PRKG2: variants seen among roughly 807,000 people sequenced by gnomAD.
PRKG2 encodes the protein cGMP-dependent protein kinase 2.
In PRKG2, 33 loss-of-function variants were observed where a neutral mutation model predicts 97.2. The ratio of observed to expected loss-of-function variants is 0.34; its 90% CI spans 0.26 to 0.45. The LOEUF is 0.45. Among genes scored for constraint, PRKG2 ranks in the 20% least tolerant of loss-of-function variants. The probability of loss-of-function intolerance (pLI) is 1.00; values close to 1 mark genes in which losing one functional copy is unlikely to be tolerated. For missense variants in PRKG2, 638 were observed against 900.0 expected, an observed-to-expected ratio of 0.71 and a Z score of 3.73; for synonymous variants, 330 against 321.8, an observed-to-expected ratio of 1.03 and a Z score of -0.27.
chr4:81,168,252 T>C (rs993758319), intron 5 of PRKG2, among the ~76,000 whole-genome samples: 5 of 151,996 alleles, frequency 3.3e-5, no homozygotes, highest in Non-Finnish European at 7.4e-5. Context: ...AAAAGAGATA[T>C]AAGAAAAAAT....
intron 3 of PRKG2, among the ~76,000 whole-genome samples, chr4:81,172,842 G>A (rs1489770148): frequency 6.6e-6 from 1 of 152,058 alleles, no homozygotes; most frequent in Non-Finnish European, 1.5e-5. Context: ...GCTGGGAACT[G>A]TTCCAAGTGC....
At position 81,137,423 on chromosome 4, in the gene PRKG2, C is replaced by G; in HGVS notation, c.1604G>C (p.Gly535Ala). The G allele has an allele frequency of 1.2e-6, 2 of 1,612,646 alleles. No homozygotes were observed. The highest frequency in any genetic ancestry group is 1.7e-6 in the Non-Finnish European group (2 of 1,178,752). ...CCTTAATATACTCCAGAGCTCCCCA[C>G]CTAAGCAGGCCTCCAGAAGCATGTA... is the stretch of plus-strand genomic sequence containing the variant. ...YVYMLLEACL[G>A]GELWSILRDR... The change falls in exon 13 of 19, where the codon GGT (glycine) becomes GCT (alanine). Residue 535 changes from glycine to alanine, a missense_variant. Physicochemically the swap from Gly to Ala is moderately conservative, Grantham distance 60 (BLOSUM62 0). Around this residue, in one of 3 missense-constraint regions of PRKG2, gnomAD observed 304 missense variants for 460.5 expected, o/e 0.66. Coordinates refer to ENST00000264399, the MANE Select transcript of PRKG2 (RefSeq NM_006259.3).
intron 1 of PRKG2, among the ~76,000 whole-genome samples, chr4:81,207,161 C>A (rs1357372827): frequency 6.6e-6 from 1 of 152,108 alleles, no homozygotes; most frequent in Non-Finnish European, 1.5e-5. Context: ...ATATTGAAAT[C>A]TGAGAATAAA....
At position 81,143,691 on chromosome 4, in the gene PRKG2, T is replaced by C. The variant is rs116069193; in HGVS notation, c.1253+541A>G. 9.9e-3 allele frequency among the ~76,000 whole-genome samples: 1,507 copies of C among 152,304 alleles called. 26 individuals are homozygous for C. The highest frequency in any genetic ancestry group is 0.034 in the African/African-American group (1,412 of 41,550). ...ACTATATGGCTTTGATAGCACTATC[T>C]AGTGAACATGTGCTTAAGCATTCAC... On this transcript the variant is annotated intron_variant, in intron 10 of 18. Coordinates refer to ENST00000264399, the MANE Select transcript of PRKG2 (RefSeq NM_006259.3).
At chr4:81,182,776 A>T (rs12331759) in intron 2 of PRKG2, among the ~76,000 whole-genome samples, 35,762 of 151,980 alleles carry the variant, frequency 0.24, 8,111 homozygotes, top group African/African-American at 0.58. Flanking sequence ...ACATTAAAAA[A>T]TTTTAAATAA....
At chr4:81,184,886 A>G (rs1414044784) in intron 2 of PRKG2, among the ~76,000 whole-genome samples, 1 of 152,236 alleles carries the variant, frequency 6.6e-6, no homozygotes, top group Non-Finnish European at 1.5e-5. Context: ...GAAAGAAAGG[A>G]TATCAGAGAT....
At chr4:81,098,478 C>T (rs1019361651) in intron 17 of PRKG2, among the ~76,000 whole-genome samples, 1 of 152,142 alleles carries the variant, frequency 6.6e-6, no homozygotes, top group African/African-American at 2.4e-5. Flanking sequence ...GGAGGCCTAG[C>T]TTTCAGTCTA....
At chr4:81,101,431 C>A (rs1419301324) in intron 17 of PRKG2, among the ~76,000 whole-genome samples, 1 of 151,988 alleles carries the variant, frequency 6.6e-6, no homozygotes, top group East Asian at 1.9e-4. Context: ...GTGGATGAAG[C>A]TGGAAACCAT....
chr4:81,125,714 A>C (rs1270774713), intron 14 of PRKG2, among the ~76,000 whole-genome samples: 2 of 152,152 alleles, frequency 1.3e-5, no homozygotes, highest in Non-Finnish European at 2.9e-5. Context: ...TGGTTTACAA[A>C]TTTCTTTTTC....
At chr4:81,190,465 A>T (rs1309438701) in intron 2 of PRKG2, among the ~76,000 whole-genome samples, 1 of 152,198 alleles carries the variant, frequency 6.6e-6, no homozygotes, top group Non-Finnish European at 1.5e-5. Context: ...AGACTTAAAT[A>T]TAAGACCTAA....
chr4:81,118,962 TTTTTTTGTG>T (rs935861480), intron 14 of PRKG2, among the ~76,000 whole-genome samples: 3 of 152,076 alleles, frequency 2.0e-5, no homozygotes, highest in Admixed American at 2.0e-4. Flanking sequence ...GCCCAGCTAA[TTTTTTTGTG>T]TTTTTTGTAG....
At chr4:81,216,367 C>CAA (rs11362212), upstream of PRKG2, among the ~76,000 whole-genome samples, 5,239 of 137,512 alleles carry the variant, frequency 0.038, 117 homozygotes, top group Non-Finnish European at 0.044. Flanking sequence ...ATAAAGACCT[C>CAA]AAAAAAAAAA....
At chr4:81,198,092 T>C (rs762088074) in intron 2 of PRKG2, among the ~76,000 whole-genome samples, 9 of 152,200 alleles carry the variant, frequency 5.9e-5, no homozygotes, top group Non-Finnish European at 1.2e-4. Flanking sequence ...TCTTAGACCT[T>C]TGACTACTCA....
At chr4:81,127,697 C>CA (rs1745741389) in intron 14 of PRKG2, among the ~76,000 whole-genome samples, 1 of 152,188 alleles carries the variant, frequency 6.6e-6, no homozygotes, top group Non-Finnish European at 1.5e-5. Context: ...TGAGACTTTG[C>CA]TGAAGTTGCT....
rs1248215680 is a variant in PRKG2 at position 81,105,703 on chromosome 4, T to C, written c.2063+110A>G. ...TTCCTTCAAATATAATTTGCCTATA[T>C]AAAAACAGCACAAAAAGTAAATATG... On this transcript the variant is annotated intron_variant, in intron 16 of 18. Transcript: ENST00000264399. 8.2e-6 allele frequency: 12 copies of C among 1,465,492 alleles called. No homozygotes were observed. The East Asian group carries it at 2.8e-4, about 34-fold the overall frequency. The allele number at this position is 1,465,492 out of a possible 1,614,324, so 90.8% of individuals were successfully genotyped here.
At chr4:81,146,498 A>G (rs535663777) in intron 9 of PRKG2, among the ~76,000 whole-genome samples, 15 of 152,316 alleles carry the variant, frequency 9.8e-5, no homozygotes, top group Admixed American at 9.2e-4. Context: ...TAAAAATAGG[A>G]AATATAACTC....
chr4:81,184,052 C>T (rs1006992480), intron 2 of PRKG2, among the ~76,000 whole-genome samples: 17 of 152,202 alleles, frequency 1.1e-4, no homozygotes, highest in African/African-American at 4.1e-4. Context: ...GGGGAAAGGG[C>T]AGCAGTAAGT....
At chr4:81,174,722 T>C in intron 3 of PRKG2, 71 bp downstream of exon 3, 2 of 1,433,484 alleles carry the variant, frequency 1.4e-6, no homozygotes, top group South Asian at 1.4e-5. Context: ...TTTATGTTTT[T>C]ATAAATGTTT....
At chr4:81,212,766 G>C (rs1754047094) in intron 1 of PRKG2, among the ~76,000 whole-genome samples, 1 of 152,194 alleles carries the variant, frequency 6.6e-6, no homozygotes, top group African/African-American at 2.4e-5. Context: ...GCGATGAGGA[G>C]AGGAGAGTGT....
Sources: gnomAD v4.1 joint callset for allele counts (sites outside exome capture counted in the v4.1 genomes callset) on GRCh38, gnomAD v4.1.1 for gene constraint, gnomAD v4.1.1 regional missense constraint, MANE v1.5 for transcripts, NCBI Gene and HGNC (gene_info 2026-07-23, HGNC 2026-07-21) for gene names.